SIRPA: variants seen among roughly 807,000 people sequenced by gnomAD.
SIRPA encodes the protein tyrosine-protein phosphatase non-receptor type substrate 1.
A neutral mutation model predicts 50.3 loss-of-function variants in SIRPA; 9 were observed. The ratio of observed to expected loss-of-function variants is 0.18; its 90% CI spans 0.11 to 0.31. SIRPA has a LOEUF of 0.31. Ranked by LOEUF, SIRPA falls within the 10% of genes least tolerant of loss-of-function variation. SIRPA has a pLI of 1.00. For synonymous variants in SIRPA, 265 were observed against 284.1 expected (o/e 0.93, Z 0.68); for missense variants, 474 against 661.6 (o/e 0.72, Z 3.11).
intron 1 of SIRPA, among the ~76,000 whole-genome samples, chr20:1,909,688 A>G (rs1462811507): frequency 3.3e-5 from 5 of 152,176 alleles, no homozygotes; most frequent in African/African-American, 4.8e-5. Flanking sequence ...AGGCTGAGGC[A>G]GGAGAATTGC....
chr20:1,927,960 C>T lies in SIRPA; in HGVS notation c.1226+61C>T, dbSNP rs374177029. On this transcript the variant is annotated intron_variant, in intron 6 of 7. Coordinates refer to ENST00000358771, the MANE Select transcript of SIRPA (RefSeq NM_001040023.2). This position sits in a 1 kb window ranked among gnomAD's most constrained non-coding sequence, Gnocchi z 6.5. ...ATTATTTGGTTATTTGACAGCCCCC[C>T]AGACTACAAAGCATAATCCATGTCC... The T allele has an allele frequency of 1.3e-5, 19 of 1,410,352 alleles. No individual in the cohort carries two copies. The Admixed American group carries it at 1.8e-4, about 14-fold the overall frequency. The allele number at this position is 1,410,352 out of a possible 1,614,324, so 87.4% of individuals were successfully genotyped here.
In SIRPA at chr20:1,895,439, C is replaced by T. The variant is rs112674043; in HGVS notation, c.-9C>T. ...GCCGCTCTCCCTCCTCGCTCCGCAG[C>T]CGCGGCCCATGGAGCCCGCCGGCCC... On this transcript the variant is annotated 5_prime_UTR_variant, in exon 1 of 8. Coordinates refer to ENST00000358771, the MANE Select transcript of SIRPA (RefSeq NM_001040023.2). 3.6e-6 allele frequency: 5 copies of T among 1,400,704 alleles called. No homozygotes were observed. Among genetic ancestry groups the T allele is most frequent in the African/African-American group, 1.5e-5 (1 of 65,968 alleles). 86.8% of individuals were successfully genotyped at this position (1,400,704 alleles called of 1,614,324 possible).
intron 6 of SIRPA, among the ~76,000 whole-genome samples, chr20:1,931,634 T>C (rs967113775): frequency 2.0e-5 from 3 of 152,146 alleles, no homozygotes; most frequent in African/African-American, 7.2e-5. Flanking sequence ...GATCAGACAT[T>C]TTCCAGAGGA....
At chr20:1,918,183 TTTTG>T (rs776532661) in intron 2 of SIRPA, among the ~76,000 whole-genome samples, 13 of 142,708 alleles carry the variant, frequency 9.1e-5, no homozygotes, top group East Asian at 8.6e-4. Context: ...AATCAAGGTT[TTTTG>T]TTTGTTTGTT....
chr20:1,896,265 C>T (rs894527152), intron 1 of SIRPA, among the ~76,000 whole-genome samples: 3 of 152,188 alleles, frequency 2.0e-5, no homozygotes, highest in African/African-American at 7.2e-5. Context: ...TCAGGTGCTC[C>T]GCGGGGATGT....
At position 1,937,763 on chromosome 20, in the gene SIRPA, T is replaced by TC. The variant is rs1455194143; in HGVS notation, c.*201dup. The TC allele has an allele frequency of 6.1e-6, 4 of 660,928 alleles. No homozygotes were observed. Among genetic ancestry groups the TC allele is most frequent in the African/African-American group, 3.7e-5 (2 of 54,122 alleles). 40.9% of individuals were successfully genotyped at this position (660,928 alleles called of 1,614,324 possible). ...CACTTCCTGGGCAGCCACGGCCCCC[T>TC]CCCCCCACATTGCCACATACCTGGA... is the stretch of plus-strand genomic sequence containing the variant. On this transcript the variant is annotated 3_prime_UTR_variant, in exon 8 of 8. Coordinates refer to ENST00000358771, the MANE Select transcript of SIRPA (RefSeq NM_001040023.2). This position sits in a 1 kb window ranked among gnomAD's most constrained non-coding sequence, Gnocchi z 8.3.
At position 1,934,475 on chromosome 20, in the gene SIRPA, T is replaced by C. The variant is rs189325870; in HGVS notation, c.1227-240T>C. On this transcript the variant is annotated intron_variant, in intron 6 of 7. Transcript: ENST00000358771. This position sits in a 1 kb window ranked among gnomAD's most constrained non-coding sequence, Gnocchi z 4.6. The stretch of plus-strand genomic sequence containing the variant: ...TCCCCAGCACCAAGTATTATAATTT[T>C]TAAAGATCCTTGCCAATAGAGTAGG... 1.4e-4 allele frequency among the ~76,000 whole-genome samples: 21 copies of C among 152,316 alleles called. No individual in the cohort carries two copies. In the East Asian group the frequency reaches 4.0e-3, roughly 29 times the overall value.
At chr20:1,903,432 C>T (rs1018535616) in intron 1 of SIRPA, among the ~76,000 whole-genome samples, 24 of 152,200 alleles carry the variant, frequency 1.6e-4, no homozygotes, top group African/African-American at 5.8e-4. Context: ...GGATTTAGGT[C>T]CCTGAATGCT....
At chr20:1,897,101 T>C (rs1203179029) in intron 1 of SIRPA, among the ~76,000 whole-genome samples, 2 of 152,222 alleles carry the variant, frequency 1.3e-5, no homozygotes, top group Non-Finnish European at 2.9e-5. Context: ...GCAGTGACGC[T>C]GATTAGCAAG....
At chr20:1,926,164 C>T (rs2122138113) in intron 5 of SIRPA, among the ~76,000 whole-genome samples, 1 of 152,316 alleles carries the variant, frequency 6.6e-6, no homozygotes, top group Middle Eastern at 3.4e-3. Context: ...ACTGGCCAAG[C>T]CTGATGCTTC....
chr20:1,927,765 C>T lies in SIRPA; in HGVS notation c.1202-110C>T, dbSNP rs866741937. 6 of 940,130 alleles carry T rather than the reference C, an allele frequency of 6.4e-6. No individual in the cohort carries two copies. In the Middle Eastern group the frequency reaches 1.1e-3, roughly 166 times the overall value. The allele number at this position is 940,130 out of a possible 1,614,324, so 58.2% of individuals were successfully genotyped here. On this transcript the variant is annotated intron_variant, in intron 5 of 7. Coordinates refer to ENST00000358771, the MANE Select transcript of SIRPA (RefSeq NM_001040023.2). The surrounding 1 kb of genome is among the most constrained non-coding windows in gnomAD (Gnocchi z 6.5). Reference sequence around the variant, plus strand: ...TCCTGTGGTTCCAAGGATGTGATTACAGCATTTCCTCTCCATGTCCCTGGA... The same window carrying T: ...TCCTGTGGTTCCAAGGATGTGATTATAGCATTTCCTCTCCATGTCCCTGGA...
chr20:1,937,778 A>G lies in SIRPA; in HGVS notation c.*210A>G. 1 of 638,282 alleles carries G rather than the reference A, an allele frequency of 1.6e-6. No individual in the cohort carries two copies. The highest frequency in any genetic ancestry group is 2.1e-5 in the South Asian group (1 of 47,600). The allele number at this position is 638,282 out of a possible 1,614,324, so 39.5% of individuals were successfully genotyped here. On this transcript the variant is annotated 3_prime_UTR_variant, in exon 8 of 8. Coordinates refer to ENST00000358771, the MANE Select transcript of SIRPA (RefSeq NM_001040023.2). The surrounding 1 kb of genome is among the most constrained non-coding windows in gnomAD (Gnocchi z 8.3). ...CACGGCCCCCTCCCCCCACATTGCC[A>G]CATACCTGGAGGCTGACGTTGCCAA...
In SIRPA at chr20:1,936,833, C is replaced by G. The variant is rs13042778; in HGVS notation, c.1267-487C>G. ...GGGTAGCGGGCCCTGTGATGGAAAA[C>G]AAACATGGGCTGAGGAAGCACAAAG... On this transcript the variant is annotated intron_variant, in intron 7 of 7. Coordinates refer to ENST00000358771, the MANE Select transcript of SIRPA (RefSeq NM_001040023.2). This position sits in a 1 kb window ranked among gnomAD's most constrained non-coding sequence, Gnocchi z 4.2. 0.054 allele frequency among the ~76,000 whole-genome samples: 8,151 copies of G among 152,246 alleles called. 300 individuals are homozygous for G. Among genetic ancestry groups the G allele is most frequent in the Middle Eastern group, 0.14 (40 of 294 alleles).
Position 1,938,298 on chromosome 20 carries a change from T to A in SIRPA, c.*730T>A, listed in dbSNP as rs1181412996. The A allele has an allele frequency of 6.5e-6, 1 of 152,672 alleles. No individual in the cohort carries two copies. Among genetic ancestry groups the A allele is most frequent in the Non-Finnish European group, 1.5e-5 (1 of 68,108 alleles). The allele number at this position is 152,672 out of a possible 1,614,324, so 9.5% of individuals were successfully genotyped here. On this transcript the variant is annotated 3_prime_UTR_variant, in exon 8 of 8. Coordinates refer to ENST00000358771, the MANE Select transcript of SIRPA (RefSeq NM_001040023.2). ...GCTCCACCCGGACCCATCTCTCCCT[T>A]CTAGACCTGAGCTTGCCCCTCCAGC...
At position 1,898,686 on chromosome 20, in the gene SIRPA, C is replaced by T. The variant is rs1421063499; in HGVS notation, c.79+3160C>T. On this transcript the variant is annotated intron_variant, in intron 1 of 7. Coordinates refer to ENST00000358771, the MANE Select transcript of SIRPA (RefSeq NM_001040023.2). This position sits in a 1 kb window ranked among gnomAD's most constrained non-coding sequence, Gnocchi z 4.3. ...AATGACTTAATCAGGATGATTTAGT[C>T]CAAGCTGGAGAGGGAGTGAGAGAGG... is the stretch of plus-strand genomic sequence containing the variant. 2.6e-5 allele frequency among the ~76,000 whole-genome samples: 4 copies of T among 151,868 alleles called. No individual in the cohort carries two copies. Among genetic ancestry groups the T allele is most frequent in the African/African-American group, 7.3e-5 (3 of 41,334 alleles).
intron 1 of SIRPA, among the ~76,000 whole-genome samples, chr20:1,906,019 C>G (rs554250750): frequency 6.6e-6 from 1 of 152,368 alleles, no homozygotes; most frequent in Admixed American, 6.5e-5. Context: ...ACGTGGTCAT[C>G]TGTCGCCCCC....
Position 1,921,672 on chromosome 20 carries a change from C to T in SIRPA, c.714C>T (p.Asp238=), listed in dbSNP as rs554898206. Reference sequence around the variant, plus strand: ...TGGCCCACGTCACCTTGCAGGGGGACCCTCTTCGTGGGACTGCCAACTTGT... The same window carrying T: ...TGGCCCACGTCACCTTGCAGGGGGATCCTCTTCGTGGGACTGCCAACTTGT... The part of the protein sequence containing the change: ...CEVAHVTLQG[D]PLRGTANLSE... The change falls in exon 3 of 8, where the codon GAC becomes GAT. Residue 238 remains aspartate (D), a synonymous_variant. Coordinates refer to ENST00000358771, the MANE Select transcript of SIRPA (RefSeq NM_001040023.2). 61 of 1,614,152 alleles carry T rather than the reference C, an allele frequency of 3.8e-5. 1 individual carries two copies. In the South Asian group the frequency reaches 6.1e-4, roughly 16 times the overall value.
chr20:1,903,011 C>CAAAA (rs58735842), intron 1 of SIRPA, among the ~76,000 whole-genome samples: 13,954 of 89,982 alleles, frequency 0.16, 1,303 homozygotes, highest in East Asian at 0.54. Context: ...GACTCTGTCT[C>CAAAA]AAAAAAAAAA....
Position 1,934,830 on chromosome 20 carries a change from C to G in SIRPA, c.1266+76C>G. 6.6e-7 allele frequency: 1 copy of G among 1,525,890 alleles called. No homozygotes were observed. The highest frequency in any genetic ancestry group is 2.3e-5 in the East Asian group (1 of 44,442). The allele number at this position is 1,525,890 out of a possible 1,614,324, so 94.5% of individuals were successfully genotyped here. On this transcript the variant is annotated intron_variant, in intron 7 of 7. Transcript: ENST00000358771. The surrounding 1 kb of genome is among the most constrained non-coding windows in gnomAD (Gnocchi z 4.6). ...CTTCACATCAACCGGAATTGCAGAT[C>G]TGGTTCTAAATTAAGACTCCTTGTG...
Sources: gnomAD v4.1 joint callset for allele counts (sites outside exome capture counted in the v4.1 genomes callset) on GRCh38, gnomAD v4.1.1 for gene constraint, Gnocchi (gnomAD v3.1) non-coding constraint, MANE v1.5 for transcripts, NCBI Gene and HGNC (gene_info 2026-07-23, HGNC 2026-07-21) for gene names.